Variants in KDM4C observed in about 807,000 individuals in gnomAD.
KDM4C encodes lysine-specific demethylase 4C.
Under a neutral mutation model 129.3 loss-of-function variants are expected in KDM4C, and 81 were observed. That is an observed-to-expected ratio of 0.63 (90% CI 0.52 to 0.75). The LOEUF is 0.75. Among genes scored for constraint, KDM4C ranks in the 30% least tolerant of loss-of-function variants. The pLI is 0.00. For missense variants in KDM4C, 1,457 were observed against 1,304.0 expected, an observed-to-expected ratio of 1.12 and a Z score of -1.81; for synonymous variants, 573 against 456.1, an observed-to-expected ratio of 1.26 and a Z score of -3.26.
At chr9:6,954,891 A>T (rs1048877722) in intron 8 of KDM4C, among the ~76,000 whole-genome samples, 9 of 152,230 alleles carry the variant, frequency 5.9e-5, no homozygotes, top group Admixed American at 2.6e-4. Flanking sequence ...CAGGAACAGA[A>T]TATTGCAAAT....
At chr9:6,989,619 G>C (rs2153503) in intron 11 of KDM4C, among the ~76,000 whole-genome samples, 124,992 of 152,076 alleles carry the variant, frequency 0.82, 52,169 homozygotes, top group Non-Finnish European at 0.88. Flanking sequence ...ATGTGATCTA[G>C]AAGTGGTGAT....
intron 17 of KDM4C, among the ~76,000 whole-genome samples, chr9:7,082,399 G>C (rs1834631386): frequency 6.6e-6 from 1 of 152,154 alleles, no homozygotes; most frequent in Non-Finnish European, 1.5e-5. Context: ...ACCAAGGTAA[G>C]GCACTAGGGG....
chr9:6,772,567 G>C (rs1260542770), intron 1 of KDM4C, among the ~76,000 whole-genome samples: 1 of 152,126 alleles, frequency 6.6e-6, no homozygotes, highest in African/African-American at 2.4e-5. Flanking sequence ...ATCCATGTTG[G>C]TCAGGCTGGT....
At chr9:7,104,100 A>G (rs1478958254) in intron 18 of KDM4C, 1 of 493,536 alleles carries the variant, frequency 2.0e-6, no homozygotes, top group Non-Finnish European at 3.7e-6. Context: ...TCTGAGTTGA[A>G]TGAGTGAATG....
chr9:6,993,826 T>C (rs1819199680), intron 12 of KDM4C, among the ~76,000 whole-genome samples: 1 of 152,220 alleles, frequency 6.6e-6, no homozygotes, highest in South Asian at 2.1e-4. Context: ...CCTGGAATTG[T>C]AAAATGCTTC....
intron 5 of KDM4C, among the ~76,000 whole-genome samples, chr9:6,874,294 C>G (rs1843247451): frequency 6.6e-6 from 1 of 152,140 alleles, no homozygotes; most frequent in Admixed American, 6.5e-5. Flanking sequence ...GAGGTATGTC[C>G]ATAGTACTAT....
rs554367288 is a variant in KDM4C, at chr9:6,987,988, T to C, written c.1677+1322T>C. Among the ~76,000 whole-genome samples the C allele has an allele frequency of 6.0e-5, 9 of 150,390 alleles. No individual in the cohort carries two copies. The East Asian group carries it at 1.8e-3, about 29-fold the overall frequency. The stretch of plus-strand genomic sequence containing the variant: ...GCCTGGACAACATGGTCACACCCTG[T>C]GTCTACAAAAAAAAAATAAAAAAAA... On this transcript the variant is annotated intron_variant, in intron 11 of 21. Transcript: ENST00000381309.
At chr9:7,091,793 C>T (rs535995858) in intron 17 of KDM4C, among the ~76,000 whole-genome samples, 5 of 152,014 alleles carry the variant, frequency 3.3e-5, no homozygotes, top group African/African-American at 9.7e-5. Flanking sequence ...ACTGGGAAGA[C>T]ATGGGCAGGA....
intron 6 of KDM4C, among the ~76,000 whole-genome samples, chr9:6,883,746 C>T (rs375526936): frequency 6.6e-6 from 1 of 152,014 alleles, no homozygotes; most frequent in South Asian, 2.1e-4. Context: ...TTGAGGGTGC[C>T]AATGGGGCTG....
At chr9:7,088,355 C>A (rs1258403154) in intron 17 of KDM4C, among the ~76,000 whole-genome samples, 1 of 152,172 alleles carries the variant, frequency 6.6e-6, no homozygotes, top group African/African-American at 2.4e-5. Context: ...GTTGTCTTAT[C>A]CTAAAATGTG....
intron 17 of KDM4C, among the ~76,000 whole-genome samples, chr9:7,093,852 A>C (rs192562636): frequency 2.0e-5 from 3 of 152,306 alleles, no homozygotes; most frequent in Admixed American, 2.0e-4. Flanking sequence ...AGGGAAGTTG[A>C]GGAATTTCAT....
chr9:7,154,110 G>A (rs1306084703), intron 19 of KDM4C, among the ~76,000 whole-genome samples: 2 of 152,192 alleles, frequency 1.3e-5, no homozygotes, highest in East Asian at 3.9e-4. Context: ...AGTGTTCAGT[G>A]ACTGTGATGT....
At chr9:7,033,206 C>A (rs1450795810) in intron 15 of KDM4C, among the ~76,000 whole-genome samples, 3 of 151,350 alleles carry the variant, frequency 2.0e-5, no homozygotes, top group Non-Finnish European at 4.4e-5. Context: ...AGGCTGTCAG[C>A]CTGCAAGGCC....
intron 1 of KDM4C, among the ~76,000 whole-genome samples, chr9:6,747,276 T>C (rs1006106911): frequency 2.7e-4 from 41 of 151,408 alleles, no homozygotes; most frequent in African/African-American, 9.7e-4. Context: ...GGCCGGGCAC[T>C]GTGGCTCCAG....
chr9:7,025,098 T>C (rs577118638), intron 15 of KDM4C, among the ~76,000 whole-genome samples: 1 of 152,240 alleles, frequency 6.6e-6, no homozygotes, highest in African/African-American at 2.4e-5. Context: ...TTGACCTCTT[T>C]ATTATTATAT....
chr9:6,856,817 G>T (rs1326995349), intron 5 of KDM4C, among the ~76,000 whole-genome samples: 3 of 149,462 alleles, frequency 2.0e-5, no homozygotes, highest in African/African-American at 5.0e-5. Context: ...GACTGCAGTG[G>T]CGCAATCTCG....
chr9:6,747,659 T>C (rs891543159), intron 1 of KDM4C, among the ~76,000 whole-genome samples: 3 of 152,074 alleles, frequency 2.0e-5, no homozygotes, highest in African/African-American at 7.2e-5. Context: ...AAAAGTCAGA[T>C]AATGTCATAG....
intron 1 of KDM4C, among the ~76,000 whole-genome samples, chr9:6,725,461 G>A (rs1204739538): frequency 6.6e-6 from 1 of 151,904 alleles, no homozygotes; most frequent in Non-Finnish European, 1.5e-5. Flanking sequence ...CTTCTCTGTC[G>A]TATGTCACAG....
At chr9:7,074,746 T>A (rs1833687659) in intron 17 of KDM4C, among the ~76,000 whole-genome samples, 2 of 152,230 alleles carry the variant, frequency 1.3e-5, no homozygotes, top group Admixed American at 1.3e-4. Context: ...ATTGAATTAG[T>A]TGTTTTGCTG....
Sources: allele counts gnomAD v4.1 joint callset (sites outside exome capture counted in the v4.1 genomes callset), GRCh38; gene constraint gnomAD v4.1.1; transcripts MANE v1.5; gene names NCBI Gene and HGNC (gene_info 2026-07-23, HGNC 2026-07-21).